Variants in CNTN1 observed in about 807,000 individuals in gnomAD.
CNTN1 encodes contactin 1.
A neutral mutation model predicts 126.4 loss-of-function variants in CNTN1; 38 were observed. That is an observed-to-expected ratio of 0.30 (90% CI 0.23 to 0.39). CNTN1 has a LOEUF of 0.39. CNTN1 is among the 10% of genes least tolerant of loss of function. The probability of loss-of-function intolerance (pLI) is 1.00; values close to 1 mark genes in which losing one functional copy is unlikely to be tolerated. For missense variants in CNTN1, 1,009 were observed against 1,248.4 expected (o/e 0.81, Z 2.89); for synonymous variants, 413 against 422.6 (o/e 0.98, Z 0.28).
chr12:40,936,768 C>G lies in CNTN1; in HGVS notation c.986-13C>G. On this transcript the variant is annotated splice_polypyrimidine_tract_variant and intron_variant, in intron 9 of 23. Coordinates refer to ENST00000551295, the MANE Select transcript of CNTN1 (RefSeq NM_001843.4). ...CCCTTCATTTAACATTTACAATGTT[C>G]CTTACTTTTTAGCATTCCCTGAGTG... The G allele has an allele frequency of 6.2e-7, 1 of 1,612,484 alleles. No individual in the cohort carries two copies. Among genetic ancestry groups the G allele is most frequent in the Non-Finnish European group, 8.5e-7 (1 of 1,178,886 alleles).
At chr12:40,777,321 C>T (rs1939628950) in intron 1 of CNTN1, among the ~76,000 whole-genome samples, 2 of 150,940 alleles carry the variant, frequency 1.3e-5, no homozygotes, top group Non-Finnish European at 3.0e-5. Context: ...TATATGAAAC[C>T]TTTCTGTGTG....
intron 1 of CNTN1, among the ~76,000 whole-genome samples, chr12:40,753,454 C>T (rs1938478543): frequency 6.6e-6 from 1 of 152,060 alleles, no homozygotes; most frequent in South Asian, 2.1e-4. Flanking sequence ...TTAATAGACT[C>T]ACAGTTCCAC....
At chr12:40,733,435 T>G (rs577240627) in intron 1 of CNTN1, among the ~76,000 whole-genome samples, 2 of 152,052 alleles carry the variant, frequency 1.3e-5, no homozygotes, top group South Asian at 4.2e-4. Flanking sequence ...GGTTCATATT[T>G]TTACTATCAA....
intron 1 of CNTN1, among the ~76,000 whole-genome samples, chr12:40,863,967 CCTCCTT>C (rs1177441737): frequency 2.4e-4 from 31 of 130,896 alleles, no homozygotes; most frequent in African/African-American, 3.1e-4. Context: ...TTCTCCTTCT[CCTCCTT>C]CTCCTTCTCC....
At chr12:40,714,621 TA>T (rs1942003175) in intron 1 of CNTN1, among the ~76,000 whole-genome samples, 1 of 152,136 alleles carries the variant, frequency 6.6e-6, no homozygotes, top group Non-Finnish European at 1.5e-5. Context: ...GATTACCTTG[TA>T]AGATGTCAGG....
At chr12:40,996,111 T>A (rs1948207409) in intron 17 of CNTN1, among the ~76,000 whole-genome samples, 2 of 152,032 alleles carry the variant, frequency 1.3e-5, no homozygotes, top group Non-Finnish European at 2.9e-5. Context: ...CTATGTAATT[T>A]GAGGCACATT....
intron 6 of CNTN1, among the ~76,000 whole-genome samples, chr12:40,926,451 A>G (rs1211405977): frequency 6.6e-6 from 1 of 152,084 alleles, no homozygotes; most frequent in East Asian, 1.9e-4. Flanking sequence ...TAAGAAATGA[A>G]ATAAGAGAGG....
intron 23 of CNTN1, among the ~76,000 whole-genome samples, chr12:41,058,954 A>G (rs1472843900): frequency 6.6e-6 from 1 of 152,182 alleles, no homozygotes; most frequent in Non-Finnish European, 1.5e-5. Context: ...AGTTTCAGTG[A>G]TTCAATGAAT....
At chr12:40,793,529 C>G (rs893937375) in intron 1 of CNTN1, among the ~76,000 whole-genome samples, 5 of 151,802 alleles carry the variant, frequency 3.3e-5, no homozygotes, top group African/African-American at 1.2e-4. Flanking sequence ...ACTTTGGACT[C>G]TGACATCAAC....
At chr12:40,901,152 T>C (rs146450187) in intron 1 of CNTN1, among the ~76,000 whole-genome samples, 5 of 152,340 alleles carry the variant, frequency 3.3e-5, no homozygotes, top group African/African-American at 1.2e-4. Flanking sequence ...ATAGGGATCG[T>C]GTAGATTGCC....
At position 40,733,424 on chromosome 12, in the gene CNTN1, G is replaced by T. The variant is rs192639971; in HGVS notation, c.-77+40832G>T. Among the ~76,000 whole-genome samples the T allele has an allele frequency of 4.0e-5, 6 of 151,712 alleles. No individual in the cohort carries two copies. The East Asian group carries it at 9.7e-4, about 25-fold the overall frequency. Reference sequence around the variant, plus strand: ...TGGCAAAATTTGACAGCACAATGTGGGGTTCATATTTTTACTATCAAGCTA... The same window carrying T: ...TGGCAAAATTTGACAGCACAATGTGTGGTTCATATTTTTACTATCAAGCTA... On this transcript the variant is annotated intron_variant, in intron 1 of 23. Transcript: ENST00000551295.
chr12:40,912,034 A>G (rs940779009), intron 3 of CNTN1, among the ~76,000 whole-genome samples: 1 of 152,254 alleles, frequency 6.6e-6, no homozygotes, highest in Non-Finnish European at 1.5e-5. Context: ...AAAAAGTTAT[A>G]TCCAATATGT....
chr12:41,035,824 T>C (rs1349380123), intron 23 of CNTN1, among the ~76,000 whole-genome samples: 1 of 152,022 alleles, frequency 6.6e-6, no homozygotes, highest in Admixed American at 6.6e-5. Flanking sequence ...TCATATGGGA[T>C]GAGGTTGGAG....
intron 1 of CNTN1, among the ~76,000 whole-genome samples, chr12:40,756,878 A>G (rs918053750): frequency 3.9e-5 from 6 of 152,134 alleles, no homozygotes; most frequent in Non-Finnish European, 7.4e-5. Flanking sequence ...CTTAGGGGAT[A>G]TATTTTGAAA....
chr12:40,759,800 G>A (rs1596536), intron 1 of CNTN1, among the ~76,000 whole-genome samples: 27,334 of 138,268 alleles, frequency 0.2, 2,617 homozygotes, highest in Middle Eastern at 0.26. Context: ...TTTTCAAAAA[G>A]CCACTGTGGG....
chr12:40,999,293 CAT>C (rs1347001562), intron 17 of CNTN1, among the ~76,000 whole-genome samples: 12 of 152,270 alleles, frequency 7.9e-5, no homozygotes, highest in East Asian at 1.9e-4. Flanking sequence ...TAAAATTATA[CAT>C]GTTATTAATA....
intron 1 of CNTN1, among the ~76,000 whole-genome samples, chr12:40,809,744 G>A (rs10784882): frequency 0.63 from 95,510 of 151,306 alleles, 30,436 homozygotes; most frequent in East Asian, 0.77. Flanking sequence ...TGAACCCGGG[G>A]GGCAGAGGTT....
intron 1 of CNTN1, among the ~76,000 whole-genome samples, chr12:40,907,553 G>A (rs537389981): frequency 1.8e-4 from 28 of 152,278 alleles, no homozygotes; most frequent in Admixed American, 7.2e-4. Context: ...TCACATGGTC[G>A]TACATGATTG....
rs1252511418 is a variant in CNTN1 at position 40,810,883 on chromosome 12, G to C, written c.-76-97474G>C. ...ATAAATAAATAAATAAAGTAGCTAGGCATGGTGGTACATGACTGCTGAGGC... is the reference window on the plus strand; with the variant it reads ...ATAAATAAATAAATAAAGTAGCTAGCCATGGTGGTACATGACTGCTGAGGC... On this transcript the variant is annotated intron_variant, in intron 1 of 23. Coordinates refer to ENST00000551295, the MANE Select transcript of CNTN1 (RefSeq NM_001843.4). 2.0e-5 allele frequency among the ~76,000 whole-genome samples: 3 copies of C among 152,126 alleles called. No homozygotes were observed. The East Asian group carries it at 5.8e-4, about 29-fold the overall frequency.
Sources: gnomAD v4.1 joint callset for allele counts (sites outside exome capture counted in the v4.1 genomes callset) on GRCh38, gnomAD v4.1.1 for gene constraint, MANE v1.5 for transcripts, NCBI Gene and HGNC (gene_info 2026-07-23, HGNC 2026-07-21) for gene names.